MYORG: variants seen among roughly 807,000 people sequenced by gnomAD.
MYORG encodes alpha-galactosidase MYORG.
Under a neutral mutation model 49.8 loss-of-function variants are expected in MYORG, and 45 were observed. That is an observed-to-expected ratio of 0.90 (90% CI 0.71 to 1.16). The LOEUF (loss-of-function observed/expected upper bound fraction) is 1.16. Among genes scored for constraint, MYORG ranks in the 50% most tolerant of loss-of-function variants. The pLI is 0.00. For missense variants in MYORG, 1,110 were observed against 1,026.5 expected (o/e 1.08, Z -1.11); for synonymous variants, 552 against 462.9 (o/e 1.19, Z -2.47).
Position 34,370,556 on chromosome 9 carries a change from T to C in MYORG, c.*243A>G. On this transcript the variant is annotated 3_prime_UTR_variant, in exon 2 of 2. Transcript: ENST00000297625. ...ACCCCAGGGAAGAGGTTTCTGCAGA[T>C]TGGTGTGAGTGTGGGGGTGGAAAGG... 1.8e-6 allele frequency: 1 copy of C among 544,618 alleles called. No homozygotes were observed. Among genetic ancestry groups the C allele is most frequent in the Non-Finnish European group, 3.0e-6 (1 of 338,056 alleles). The allele number at this position is 544,618 out of a possible 1,614,324, so 33.7% of individuals were successfully genotyped here. A position where few individuals can be genotyped will look rare whatever the true frequency, so the allele number is the denominator to read the frequency against.
Position 34,371,705 on chromosome 9 carries a change from G to C in MYORG, c.1239C>G (p.Arg413=), listed in dbSNP as rs1420596773. The change falls in exon 2 of 2, where the codon CGC becomes CGG. Residue 413 remains arginine, a synonymous_variant. Coordinates refer to ENST00000297625, the MANE Select transcript of MYORG (RefSeq NM_020702.5). Reference sequence around the variant, plus strand: ...GCGCAGGTAACCGGCCCGTGGGTTCGCGCACGAACAGCTCGCGCTCCACGC... The same window carrying C: ...GCGCAGGTAACCGGCCCGTGGGTTCCCGCACGAACAGCTCGCGCTCCACGC... The part of the protein sequence containing the change: ...GEGVERELFV[R]EPTGRLPALV... The C allele has an allele frequency of 6.2e-7, 1 of 1,611,090 alleles. No homozygotes were observed. The highest frequency in any genetic ancestry group is 2.2e-5 in the East Asian group (1 of 44,782).
rs753531797 is a variant in MYORG, at chr9:34,371,018, G to C, written c.1926C>G (p.Pro642=). Reference sequence around the variant, plus strand: ...CGATACGGTGAGCTGTCTCGTCGCCGGGCGCAATCCACCAAAGGGGGCGCA... The same window carrying C: ...CGATACGGTGAGCTGTCTCGTCGCCCGGCGCAATCCACCAAAGGGGGCGCA... ...PIVRPLWWIA[P]GDETAHRIDS... The change falls in exon 2 of 2, where the codon CCC becomes CCG. Residue 642 remains proline, a synonymous_variant. Transcript: ENST00000297625. The C allele has an allele frequency of 5.7e-5, 92 of 1,613,106 alleles. No homozygotes were observed. The highest frequency in any genetic ancestry group is 7.4e-5 in the Non-Finnish European group (87 of 1,179,884).
At position 34,370,690 on chromosome 9, in the gene MYORG, G is replaced by A. The variant is rs1002054186; in HGVS notation, c.*109C>T. ...CATTTAAGTCAGCAGCCACTTAATG[G>A]GTGGTATAGAGGTGGGAGGTTCCTG... is the stretch of plus-strand genomic sequence containing the variant. On this transcript the variant is annotated 3_prime_UTR_variant, in exon 2 of 2. Coordinates refer to ENST00000297625, the MANE Select transcript of MYORG (RefSeq NM_020702.5). The A allele has an allele frequency of 4.4e-5, 61 of 1,371,612 alleles. No individual in the cohort carries two copies. The highest frequency in any genetic ancestry group is 1.9e-4 in the Admixed American group (5 of 26,870). The allele number at this position is 1,371,612 out of a possible 1,614,324, so 85.0% of individuals were successfully genotyped here.
In MYORG at chr9:34,372,089, C is replaced by A; in HGVS notation, c.855G>T (p.Val285=). 6.2e-7 allele frequency: 1 copy of A among 1,613,484 alleles called. No individual in the cohort carries two copies. The highest frequency in any genetic ancestry group is 8.5e-7 in the Non-Finnish European group (1 of 1,179,862). Residue 285 remains valine, a synonymous_variant, in exon 2 of 2, where the codon GTG becomes GTT. Transcript: ENST00000297625. ...TGTGGATGGAGGTGACGTCTGAGCC[C>A]ACGCACACTCGGTAGCTCAGCTCTG... ...AAPELSYRVC[V]GSDVTSIHKY... is the part of the protein sequence containing the mutation.
chr9:34,372,650 G>T lies in MYORG; in HGVS notation c.294C>A (p.Gly98=), dbSNP rs761766271. Residue 98 remains glycine (G), a synonymous_variant, in exon 2 of 2, where the codon GGC becomes GGA. Transcript: ENST00000297625. ...CCTTCTGATTGCGGATGGAGAAGCC[G>T]CCAGCTTTCAGGTCCAGCAGCTCCG... ...LRAELLDLKA[G]GFSIRNQKGE... is the part of the protein sequence containing the mutation. The T allele has an allele frequency of 1.2e-6, 2 of 1,607,118 alleles. No homozygotes were observed. Among genetic ancestry groups the T allele is most frequent in the Non-Finnish European group, 1.7e-6 (2 of 1,177,024 alleles).
chr9:34,374,692 G>T (rs1300149043), intron 1 of MYORG, among the ~76,000 whole-genome samples: 3 of 150,520 alleles, frequency 2.0e-5, no homozygotes, highest in Non-Finnish European at 4.4e-5. Flanking sequence ...AGGAGTTTGA[G>T]ACCAGCCTGG....
In MYORG at chr9:34,367,869, T is replaced by G. The variant is rs551614862; in HGVS notation, c.*2930A>C. 6.6e-6 allele frequency: 1 copy of G among 152,246 alleles called. No homozygotes were observed. Among genetic ancestry groups the G allele is most frequent in the South Asian group, 2.1e-4 (1 of 4,826 alleles). The allele number at this position is 152,246 out of a possible 1,614,324, so 9.4% of individuals were successfully genotyped here. ...ACAGCTCTACTAGGCAGTGTCCCAGTGGGGTCTCTGTGTGGGGGCTTCCCC... is the reference window on the plus strand; with the variant it reads ...ACAGCTCTACTAGGCAGTGTCCCAGGGGGGTCTCTGTGTGGGGGCTTCCCC... On this transcript the variant is annotated 3_prime_UTR_variant, in exon 2 of 2. Transcript: ENST00000297625.
rs757738711 is a variant in MYORG, at chr9:34,372,675, G to A, written c.269C>T (p.Ala90Val). ...VSLRKAERLR[A>V]ELLDLKAGGF... ...GCCAGCTTTCAGGTCCAGCAGCTCCGCGCGAAGTCGCTCCGCCTTGCGTAG... is the reference window on the plus strand; with the variant it reads ...GCCAGCTTTCAGGTCCAGCAGCTCCACGCGAAGTCGCTCCGCCTTGCGTAG... Residue 90 changes from alanine (A) to valine (V), a missense_variant, in exon 2 of 2, where the codon GCG (alanine) becomes GTG (valine). Ala to Val is a moderately conservative substitution (Grantham distance 64). Coordinates refer to ENST00000297625, the MANE Select transcript of MYORG (RefSeq NM_020702.5). 1.9e-6 allele frequency: 3 copies of A among 1,608,556 alleles called. No individual in the cohort carries two copies. The highest frequency in any genetic ancestry group is 2.2e-5 in the East Asian group (1 of 44,696).
rs1426885931 is a variant in MYORG at position 34,372,585 on chromosome 9, A to C, written c.359T>G (p.Leu120Arg). Reference protein sequence around the residue: ...VFRLAFRSGALDLDSCSRDGA... With the variant: ...VFRLAFRSGARDLDSCSRDGA... ...ATCGCGGCTGCAGGAGTCAAGGTCCAGCGCGCCGGAGCGGAAGGCCAGGCG... is the reference window on the plus strand; with the variant it reads ...ATCGCGGCTGCAGGAGTCAAGGTCCCGCGCGCCGGAGCGGAAGGCCAGGCG... The change falls in exon 2 of 2, where the codon CTG (leucine) becomes CGG (arginine). Residue 120 changes from leucine to arginine, a missense_variant. Physicochemically the swap from Leu to Arg is moderately radical, Grantham distance 102. Transcript: ENST00000297625. 5 of 1,601,898 alleles carry C rather than the reference A, an allele frequency of 3.1e-6. No individual in the cohort carries two copies. The African/African-American group carries it at 5.4e-5, about 17-fold the overall frequency.
chr9:34,370,640 C>T lies in MYORG; in HGVS notation c.*159G>A. 1 of 1,345,284 alleles carries T rather than the reference C, an allele frequency of 7.4e-7. No individual in the cohort carries two copies. The highest frequency in any genetic ancestry group is 9.9e-7 in the Non-Finnish European group (1 of 1,010,892). The allele number at this position is 1,345,284 out of a possible 1,614,324, so 83.3% of individuals were successfully genotyped here. On this transcript the variant is annotated 3_prime_UTR_variant, in exon 2 of 2. Transcript: ENST00000297625. ...TGCTTCAGTGCCCCCTCCCTAGGCC[C>T]CACCTTCAGCAGCTGGTTCCAGCAC...
chr9:34,371,785 C>G lies in MYORG; in HGVS notation c.1159G>C (p.Val387Leu), dbSNP rs1465014941. 3.7e-6 allele frequency: 6 copies of G among 1,613,914 alleles called. No individual in the cohort carries two copies. Among genetic ancestry groups the G allele is most frequent in the Non-Finnish European group, 3.4e-6 (4 of 1,179,816 alleles). The change falls in exon 2 of 2, where the codon GTC becomes CTC. Residue 387 changes from valine (V) to leucine (L), a missense_variant. Physicochemically the swap from Val to Leu is conservative, Grantham distance 32 (BLOSUM62 1). Coordinates refer to ENST00000297625, the MANE Select transcript of MYORG (RefSeq NM_020702.5). The stretch of plus-strand genomic sequence containing the variant: ...ACAAAAGGGTGCACCCAGAGCGTGA[C>G]GCGGAAGCCGGCGTCGCGCAGGCGG... ...FRRLRDAGFR[V>L]TLWVHPFVNY...
In MYORG at chr9:34,370,542, G is replaced by C; in HGVS notation, c.*257C>G. 1 of 480,112 alleles carries C rather than the reference G, an allele frequency of 2.1e-6. No homozygotes were observed. The highest frequency in any genetic ancestry group is 5.6e-4 in the Middle Eastern group (1 of 1,770). 29.7% of individuals were successfully genotyped at this position (480,112 alleles called of 1,614,324 possible). A position where few individuals can be genotyped will look rare whatever the true frequency, so the allele number is the denominator to read the frequency against. ...GCTCTCTGGCTTCCACCCCAGGGAAGAGGTTTCTGCAGATTGGTGTGAGTG... is the reference window on the plus strand; with the variant it reads ...GCTCTCTGGCTTCCACCCCAGGGAACAGGTTTCTGCAGATTGGTGTGAGTG... On this transcript the variant is annotated 3_prime_UTR_variant, in exon 2 of 2. Transcript: ENST00000297625.
chr9:34,371,715 A>G lies in MYORG; in HGVS notation c.1229T>C (p.Leu410Pro), dbSNP rs772631533. ...SRFGEGVERELFVREPTGRLP... is the reference protein window; with the variant it reads ...SRFGEGVEREPFVREPTGRLP... ...CCGGCCCGTGGGTTCGCGCACGAAC[A>G]GCTCGCGCTCCACGCCCTCGCCGAA... is the stretch of plus-strand genomic sequence containing the variant. Residue 410 changes from leucine to proline, a missense_variant, in exon 2 of 2, where the codon CTG becomes CCG. Transcript: ENST00000297625. The G allele has an allele frequency of 6.2e-7, 1 of 1,611,824 alleles. No homozygotes were observed. The highest frequency in any genetic ancestry group is 8.5e-7 in the Non-Finnish European group (1 of 1,179,008).
In MYORG at chr9:34,370,501, G is replaced by A. The variant is rs1820570961; in HGVS notation, c.*298C>T. On this transcript the variant is annotated 3_prime_UTR_variant, in exon 2 of 2. Transcript: ENST00000297625. ...AACCATGTATAACAGGAAGAGAGCT[G>A]ACCTTTTTCCTCTAAGCTCTCTGGC... 5.7e-6 allele frequency: 2 copies of A among 350,856 alleles called. No homozygotes were observed. The highest frequency in any genetic ancestry group is 8.2e-5 in the South Asian group (1 of 12,142). The allele number at this position is 350,856 out of a possible 1,614,324, so 21.7% of individuals were successfully genotyped here.
intron 1 of MYORG, among the ~76,000 whole-genome samples, chr9:34,374,588 A>G (rs1174186447): frequency 6.6e-6 from 1 of 151,978 alleles, no homozygotes; most frequent in Non-Finnish European, 1.5e-5. Context: ...CTGACACACT[A>G]TATGCTAAAT....
chr9:34,375,505 G>T (rs546230562), intron 1 of MYORG, among the ~76,000 whole-genome samples: 21 of 152,214 alleles, frequency 1.4e-4, no homozygotes, highest in Non-Finnish European at 2.6e-4. Context: ...ATGCCCTCAA[G>T]CTGAGCAGAA....
In MYORG at chr9:34,372,291, T is replaced by A. The variant is rs1201799555; in HGVS notation, c.653A>T (p.Asp218Val). Residue 218 changes from aspartate to valine, a missense_variant, in exon 2 of 2, where the codon GAC becomes GTC. Physicochemically the swap from Asp to Val is radical, Grantham distance 152. Transcript: ENST00000297625. ...CTCGAGGATGCCCCCAAACGCGGCG[T>A]CGGAGGAGTAGACATCGCTGGTGAC... is the stretch of plus-strand genomic sequence containing the variant. ...PFVTSDVYSS[D>V]AAFGGILERY... 1 of 1,610,372 alleles carries A rather than the reference T, an allele frequency of 6.2e-7. No homozygotes were observed. Among genetic ancestry groups the A allele is most frequent in the Non-Finnish European group, 8.5e-7 (1 of 1,178,808 alleles).
intron 1 of MYORG, among the ~76,000 whole-genome samples, chr9:34,373,447 C>T (rs1420675315): frequency 1.3e-5 from 2 of 152,062 alleles, no homozygotes. Context: ...ATTGTCCAGC[C>T]AGCTCCTTGA....
At position 34,372,443 on chromosome 9, in the gene MYORG, C is replaced by T. The variant is rs1316131470; in HGVS notation, c.501G>A (p.Ala167=). 6.3e-7 allele frequency: 1 copy of T among 1,581,524 alleles called. No homozygotes were observed. Among genetic ancestry groups the T allele is most frequent in the Non-Finnish European group, 8.6e-7 (1 of 1,165,020 alleles). The change falls in exon 2 of 2, where the codon GCG becomes GCA. Residue 167 remains alanine, a synonymous_variant. Coordinates refer to ENST00000297625, the MANE Select transcript of MYORG (RefSeq NM_020702.5). ...TGGCGTGCTCCACGGCCCGGCCCGG[C>T]GCTGCCTCCTCCCAGCGCACGCGGT... ...MCYRVRWEEA[A]PGRAVEHAMF...
Sources: allele counts gnomAD v4.1 joint callset (sites outside exome capture counted in the v4.1 genomes callset), GRCh38; gene constraint gnomAD v4.1.1; transcripts MANE v1.5; gene names NCBI Gene and HGNC (gene_info 2026-07-23, HGNC 2026-07-21).